The following ERCC8 variants were observed in gnomAD, a reference collection of about 807,000 sequenced individuals.
ERCC8 encodes the protein ERCC excision repair 8, CSA ubiquitin ligase complex subunit, also known as DNA excision repair protein ERCC-8.
In ERCC8, 52 loss-of-function variants were observed where a neutral mutation model predicts 54.9. The observed-to-expected ratio is 0.95, with a 90% confidence interval of 0.76 to 1.19. The LOEUF (loss-of-function observed/expected upper bound fraction) is 1.19, where lower values mean the gene tolerates loss of function less well. Ranked by LOEUF, ERCC8 falls within the 50% of genes most tolerant of loss-of-function variation. The probability of loss-of-function intolerance (pLI) is 0.00; values close to 1 mark genes in which losing one functional copy is unlikely to be tolerated. For synonymous variants in ERCC8, 146 were observed against 157.2 expected (o/e 0.93, Z 0.53); for missense variants, 514 against 466.1 (o/e 1.10, Z -0.95).
intron 1 of ERCC8, among the ~76,000 whole-genome samples, chr5:60,929,530 T>A (rs900422965): frequency 6.6e-6 from 1 of 152,176 alleles, no homozygotes; most frequent in Non-Finnish European, 1.5e-5. Flanking sequence ...AAGGATGCAG[T>A]GAGCCATAAT....
intron 9 of ERCC8, chr5:60,892,170 G>T: frequency 1.9e-6 from 1 of 521,964 alleles, no homozygotes. Context: ...TCTACATTGA[G>T]TTTAGCCCAC....
intron 11 of ERCC8, among the ~76,000 whole-genome samples, chr5:60,883,441 G>C (rs1748304605): frequency 6.6e-6 from 1 of 152,104 alleles, no homozygotes; most frequent in Non-Finnish European, 1.5e-5. Flanking sequence ...GTCTGTGCTT[G>C]AACATATTCA....
At position 60,903,671 on chromosome 5, in the gene ERCC8, C is replaced by T. The variant is rs1748968043; in HGVS notation, c.527G>A (p.Gly176Glu). 2 of 1,612,526 alleles carry T rather than the reference C, an allele frequency of 1.2e-6. No homozygotes were observed. The highest frequency in any genetic ancestry group is 1.7e-4 in the Middle Eastern group (1 of 5,886). ...ACCCTGTAGAATGTGAGAACAGGAT[C>T]CAGACTTCAAGTCACAAAGTTGTAC... ...PKVQLCDLKS[G>E]SCSHILQGHR... Residue 176 changes from glycine (G) to glutamate (E), a missense_variant, in exon 6 of 12, where the codon GGA becomes GAA. Physicochemically the swap from Gly to Glu is moderately conservative, Grantham distance 98. Transcript: ENST00000676185.
chr5:60,875,623 C>A (rs950270450), intron 11 of ERCC8, among the ~76,000 whole-genome samples: 1 of 152,122 alleles, frequency 6.6e-6, no homozygotes, highest in African/African-American at 2.4e-5. Flanking sequence ...ATTCAGATTC[C>A]AATTCCAATG....
rs1249878855 is a variant in ERCC8, at chr5:60,904,828, TATG to T, written c.442_444del (p.His148del). On this transcript the variant is annotated inframe_deletion, in exon 5 of 12. Coordinates refer to ENST00000676185, the MANE Select transcript of ERCC8 (RefSeq NM_000082.4). ...CAGTGCTTGGTGGAGACTGGAGACA[TATG>T]ATGACTATAAACTGTTTCCTCAAAA... 3 of 1,600,082 alleles carry T rather than the reference TATG, an allele frequency of 1.9e-6. No homozygotes were observed. The highest frequency in any genetic ancestry group is 1.7e-6 in the Non-Finnish European group (2 of 1,168,206).
Position 60,869,612 on chromosome 5 carries a change from A to G in ERCC8, c.*5003T>C, listed in dbSNP as rs1040542019. On this transcript the variant is annotated 3_prime_UTR_variant, in exon 12 of 12. Transcript: ENST00000676185. ...GTTCATGGGATAACTTTTTTTCTCT[A>G]TTAAGGTGTTCCCTTAATTCTAAAG... Among the ~76,000 whole-genome samples, 2 of 152,164 alleles carry G rather than the reference A, an allele frequency of 1.3e-5. No individual in the cohort carries two copies. Among genetic ancestry groups the G allele is most frequent in the Non-Finnish European group, 2.9e-5 (2 of 68,030 alleles).
chr5:60,918,082 T>C (rs1749489688), intron 4 of ERCC8, 183 bp downstream of exon 4: 2 of 584,588 alleles, frequency 3.4e-6, no homozygotes, highest in Admixed American at 4.9e-5. Flanking sequence ...ATTTGCCCAA[T>C]GTCATACAGC....
Position 60,904,840 on chromosome 5 carries a change from A to T in ERCC8, c.433T>A (p.Tyr145Asn). 1 of 1,591,352 alleles carries T rather than the reference A, an allele frequency of 6.3e-7. No individual in the cohort carries two copies. Among genetic ancestry groups the T allele is most frequent in the Non-Finnish European group, 8.6e-7 (1 of 1,160,046 alleles). The change falls in exon 5 of 12, where the codon TAT becomes AAT. Residue 145 changes from tyrosine to asparagine, a missense_variant. Transcript: ENST00000676185. ...ADVFNFEETVYSHHMSPVSTK... is the reference protein window; with the variant it reads ...ADVFNFEETVNSHHMSPVSTK... ...GAGACTGGAGACATATGATGACTAT[A>T]AACTGTTTCCTCAAAATTAAATACA... is the stretch of plus-strand genomic sequence containing the variant.
At chr5:60,931,740 GATC>G (rs1374542797) in intron 1 of ERCC8, among the ~76,000 whole-genome samples, 5 of 151,668 alleles carry the variant, frequency 3.3e-5, no homozygotes, top group African/African-American at 1.2e-4. Flanking sequence ...TTTTCCATAT[GATC>G]ATTTTTCAAA....
At chr5:60,897,737 C>T (rs1561501346) in intron 9 of ERCC8, among the ~76,000 whole-genome samples, 1 of 152,158 alleles carries the variant, frequency 6.6e-6, no homozygotes, top group Non-Finnish European at 1.5e-5. Context: ...ATATATAGTA[C>T]AGGTTAAGTA....
At chr5:60,879,895 T>C (rs1260614385) in intron 11 of ERCC8, among the ~76,000 whole-genome samples, 1 of 152,240 alleles carries the variant, frequency 6.6e-6, no homozygotes, top group Non-Finnish European at 1.5e-5. Context: ...TGTGTGAATT[T>C]GATCCTGTCA....
chr5:60,902,625 T>C (rs911252198), intron 6 of ERCC8, 117 bp from the exon 7 acceptor site: 18 of 783,056 alleles, frequency 2.3e-5, no homozygotes, highest in Admixed American at 1.7e-4. Context: ...TGTGAATAGA[T>C]ATGACCATTT....
At chr5:60,933,192 T>C (rs908689392) in intron 1 of ERCC8, among the ~76,000 whole-genome samples, 1 of 151,168 alleles carries the variant, frequency 6.6e-6, no homozygotes, top group African/African-American at 2.4e-5. Context: ...TGTATATCTA[T>C]GTATGCATTT....
intron 1 of ERCC8, among the ~76,000 whole-genome samples, chr5:60,941,466 G>A (rs1174848130): frequency 6.6e-6 from 1 of 152,152 alleles, no homozygotes; most frequent in Non-Finnish European, 1.5e-5. Flanking sequence ...TTTGTCATTG[G>A]AGGTCTAGAA....
At chr5:60,921,612 T>A (rs4647075) in intron 3 of ERCC8, among the ~76,000 whole-genome samples, 1 of 152,042 alleles carries the variant, frequency 6.6e-6, no homozygotes, top group South Asian at 2.1e-4. Flanking sequence ...TGTATGTGTG[T>A]GTTTGGTGAG....
At chr5:60,922,186 C>T in intron 2 of ERCC8, 31 bp from the exon 3 acceptor site, 3 of 1,391,058 alleles carry the variant, frequency 2.2e-6, no homozygotes, top group African/African-American at 1.4e-5. Context: ...ATTAATTTAT[C>T]ATTTTATTTA....
chr5:60,929,800 T>C (rs1485092409), intron 1 of ERCC8, among the ~76,000 whole-genome samples: 3 of 152,230 alleles, frequency 2.0e-5, no homozygotes, highest in Admixed American at 6.5e-5. Context: ...GCCTAGTACA[T>C]TGTAAGTATC....
At chr5:60,912,061 T>C (rs1342772165) in intron 4 of ERCC8, among the ~76,000 whole-genome samples, 1 of 151,850 alleles carries the variant, frequency 6.6e-6, no homozygotes, top group Non-Finnish European at 1.5e-5. Context: ...CTTAGGATTG[T>C]CTTGGTAATG....
chr5:60,933,812 G>A (rs1749983916), intron 1 of ERCC8, among the ~76,000 whole-genome samples: 1 of 152,086 alleles, frequency 6.6e-6, no homozygotes, highest in Non-Finnish European at 1.5e-5. Flanking sequence ...ACTTATGAGT[G>A]AGAACATACA....
Sources: allele counts gnomAD v4.1 joint callset (sites outside exome capture counted in the v4.1 genomes callset), GRCh38; gene constraint gnomAD v4.1.1; transcripts MANE v1.5; gene names NCBI Gene and HGNC (gene_info 2026-07-23, HGNC 2026-07-21).